The following PPIP5K2 variants were observed in gnomAD, a reference collection of about 807,000 sequenced individuals.
The protein encoded by PPIP5K2 is diphosphoinositol pentakisphosphate kinase 2, also known as inositol hexakisphosphate and diphosphoinositol-pentakisphosphate kinase 2.
Under a neutral mutation model 154.6 loss-of-function variants are expected in PPIP5K2, and 105 were observed. The observed-to-expected ratio is 0.68, with a 90% CI of 0.58 to 0.80. The LOEUF is 0.80. Among genes scored for constraint, PPIP5K2 ranks in the 30% least tolerant of loss-of-function variants. The probability of loss-of-function intolerance (pLI) is 0.00; values close to 1 mark genes in which losing one functional copy is unlikely to be tolerated. For synonymous variants in PPIP5K2, 480 were observed against 490.3 expected, an observed-to-expected ratio of 0.98 and a Z score of 0.28; for missense variants, 992 against 1,504.6, an observed-to-expected ratio of 0.66 and a Z score of 5.64.
At chr5:103,151,082 T>C (rs540341872) in intron 8 of PPIP5K2, among the ~76,000 whole-genome samples, 171 bp from the exon 9 acceptor site, 141 of 152,024 alleles carry the variant, frequency 9.3e-4, no homozygotes, top group African/African-American at 3.3e-3. Flanking sequence ...ATTTTCAGAG[T>C]ACTCAAGTTA....
intron 30 of PPIP5K2, among the ~76,000 whole-genome samples, chr5:103,200,971 A>T (rs535017877): frequency 4.1e-4 from 62 of 152,246 alleles, no homozygotes; most frequent in African/African-American, 1.4e-3. Context: ...TGAAGACTTC[A>T]TGTTGGTTTA....
chr5:103,135,759 C>T (rs1554203964), intron 3 of PPIP5K2, among the ~76,000 whole-genome samples: 1 of 152,036 alleles, frequency 6.6e-6, no homozygotes, highest in Non-Finnish European at 1.5e-5. Flanking sequence ...AAAATACAAT[C>T]ATTAAAATTT....
rs1554218623 is a variant in PPIP5K2 at position 103,168,313 on chromosome 5, A to T, written c.2286+18A>T. On this transcript the variant is annotated intron_variant, in intron 19 of 30. Transcript: ENST00000358359. ...TCCCTCAGGTAAGTCATTCTTAAGA[A>T]TCAATTTCTTATAATATTGAAAAAA... is the stretch of plus-strand genomic sequence containing the variant. 1 of 1,529,798 alleles carries T rather than the reference A, an allele frequency of 6.5e-7. No homozygotes were observed. 94.8% of individuals were successfully genotyped at this position (1,529,798 alleles called of 1,614,324 possible).
At chr5:103,128,723 A>ACTACATGTT (rs1445699227) in intron 1 of PPIP5K2, among the ~76,000 whole-genome samples, 3 of 152,064 alleles carry the variant, frequency 2.0e-5, no homozygotes, top group Admixed American at 6.6e-5. Flanking sequence ...TTTGTTAAAG[A>ACTACATGTT]GTTTTTGACT....
rs1803421303 is a variant in PPIP5K2, at chr5:103,204,902, A to G, written c.*3268A>G. ...GTAAGTTCTAGGGTACATGTGCACA[A>G]TGTGCAGGTTTGTTACATAGGTATA... On this transcript the variant is annotated 3_prime_UTR_variant, in exon 31 of 31. Coordinates refer to ENST00000358359, the MANE Select transcript of PPIP5K2 (RefSeq NM_001276277.3). The G allele has an allele frequency of 6.6e-6, 1 of 152,050 alleles. No individual in the cohort carries two copies. The highest frequency in any genetic ancestry group is 1.5e-5 in the Non-Finnish European group (1 of 68,006). The allele number at this position is 152,050 out of a possible 1,614,324, so 9.4% of individuals were successfully genotyped here.
chr5:103,180,616 G>A (rs782198650), intron 24 of PPIP5K2, among the ~76,000 whole-genome samples: 4 of 151,920 alleles, frequency 2.6e-5, no homozygotes, highest in Non-Finnish European at 5.9e-5. Flanking sequence ...TTGGGAGGCC[G>A]AGGCGGGTGG....
intron 29 of PPIP5K2, among the ~76,000 whole-genome samples, chr5:103,191,805 A>G (rs556669108): frequency 1.3e-5 from 2 of 152,132 alleles, no homozygotes; most frequent in African/African-American, 4.8e-5. Flanking sequence ...TCCAGTTTAG[A>G]AAGAGTTAGT....
intron 27 of PPIP5K2, 23 bp from the exon 28 acceptor site, chr5:103,187,291 G>A (rs1487872974): frequency 1.3e-6 from 2 of 1,519,362 alleles, no homozygotes; most frequent in African/African-American, 1.4e-5. Context: ...CGAATTTCAG[G>A]TACCTGTTTT....
rs1465944218 is a variant in PPIP5K2, at chr5:103,191,104, A to T, written c.3493+122A>T. 3.6e-6 allele frequency: 3 copies of T among 828,452 alleles called. No individual in the cohort carries two copies. The African/African-American group carries it at 5.3e-5, about 15-fold the overall frequency. The allele number at this position is 828,452 out of a possible 1,614,324, so 51.3% of individuals were successfully genotyped here. ...GGTAATGAGTAGGAGTACAAAGGGG[A>T]GTGTAAAGGGACATTATTAGGAATT... On this transcript the variant is annotated intron_variant, in intron 29 of 30. Transcript: ENST00000358359.
chr5:103,176,714 T>C (rs1798773517), intron 21 of PPIP5K2: 1 of 507,052 alleles, frequency 2.0e-6, no homozygotes, highest in South Asian at 3.2e-5. Flanking sequence ...GTGATGTACG[T>C]ATAATTTAAG....
At chr5:103,153,524 C>T (rs1352569310) in intron 10 of PPIP5K2, among the ~76,000 whole-genome samples, 1 of 151,820 alleles carries the variant, frequency 6.6e-6, no homozygotes, top group Non-Finnish European at 1.5e-5. Context: ...TGACCTAATG[C>T]TATGGATCAG....
intron 1 of PPIP5K2, among the ~76,000 whole-genome samples, chr5:103,124,324 CT>C (rs1554200065): frequency 1.3e-5 from 2 of 151,524 alleles, no homozygotes; most frequent in Non-Finnish European, 2.9e-5. Context: ...ATATATCCTA[CT>C]TAGGTGACAG....
In PPIP5K2 at chr5:103,129,605, A is replaced by C; in HGVS notation, c.16A>C (p.Arg6=). The part of the protein sequence containing the change: MSEAP[R]FFVGPEDTEI... ...TAAAATAAAAATGAGTGAAGCCCCC[A>C]GATTCTTCGTTGGACCAGAAGATAC... The change falls in exon 2 of 31, where the codon AGA becomes CGA. Residue 6 remains arginine (R), a synonymous_variant. Coordinates refer to ENST00000358359, the MANE Select transcript of PPIP5K2 (RefSeq NM_001276277.3). 1 of 1,599,254 alleles carries C rather than the reference A, an allele frequency of 6.3e-7. No individual in the cohort carries two copies. The highest frequency in any genetic ancestry group is 1.1e-5 in the South Asian group (1 of 88,388).
intron 1 of PPIP5K2, among the ~76,000 whole-genome samples, chr5:103,121,967 G>A (rs576399549): frequency 3.4e-4 from 51 of 152,128 alleles, no homozygotes; most frequent in Non-Finnish European, 6.0e-4. Flanking sequence ...ATTTTCTCAC[G>A]TGGAAAAGGA....
chr5:103,153,474 G>A (rs1253258650), intron 10 of PPIP5K2, among the ~76,000 whole-genome samples: 2 of 151,880 alleles, frequency 1.3e-5, no homozygotes, highest in African/African-American at 2.4e-5. Context: ...CAACCATCAT[G>A]TAAAGTTTTA....
At position 103,167,433 on chromosome 5, in the gene PPIP5K2, T is replaced by C. The variant is rs74587906; in HGVS notation, c.2062+113T>C. On this transcript the variant is annotated intron_variant, in intron 18 of 30. Coordinates refer to ENST00000358359, the MANE Select transcript of PPIP5K2 (RefSeq NM_001276277.3). ...GAAATCAAGCCTCTCTTGAGAGCTA[T>C]GTATAGTATGAGTTAATGTATATCA... The C allele has an allele frequency of 1.5e-3, 1,328 of 895,444 alleles. 14 individuals are homozygous for C. The African/African-American group carries it at 0.02, about 14-fold the overall frequency. 55.5% of individuals were successfully genotyped at this position (895,444 alleles called of 1,614,324 possible).
chr5:103,147,147 T>TAAGC (rs1793883070), intron 6 of PPIP5K2, among the ~76,000 whole-genome samples: 2 of 151,956 alleles, frequency 1.3e-5, no homozygotes, highest in South Asian at 4.1e-4. Context: ...AGTTGAGAAA[T>TAAGC]AAGCACAAGA....
intron 30 of PPIP5K2, among the ~76,000 whole-genome samples, chr5:103,195,628 C>T (rs1554228291): frequency 6.6e-6 from 1 of 152,140 alleles, no homozygotes; most frequent in Non-Finnish European, 1.5e-5. Flanking sequence ...TACCCTATTA[C>T]TATATTGTGA....
At chr5:103,185,324 A>G (rs1169610377) in intron 26 of PPIP5K2, among the ~76,000 whole-genome samples, 1 of 152,120 alleles carries the variant, frequency 6.6e-6, no homozygotes, top group Non-Finnish European at 1.5e-5. Context: ...CTCATGGTTG[A>G]TAAACTATGA....
Sources: allele counts gnomAD v4.1 joint callset (sites outside exome capture counted in the v4.1 genomes callset), GRCh38; gene constraint gnomAD v4.1.1; transcripts MANE v1.5; gene names NCBI Gene and HGNC (gene_info 2026-07-23, HGNC 2026-07-21).